The following MTMR7 variants were observed in gnomAD, a reference collection of about 807,000 sequenced individuals.
MTMR7 encodes the protein phosphatidylinositol-3-phosphate phosphatase MTMR7.
In MTMR7, 76 loss-of-function variants were observed where a neutral mutation model predicts 81.2. That is an observed-to-expected ratio of 0.94 (90% CI 0.78 to 1.13). The LOEUF (loss-of-function observed/expected upper bound fraction) is 1.13. Ranked by LOEUF, MTMR7 falls within the 50% of genes most tolerant of loss-of-function variation. The pLI is 0.00. For missense variants in MTMR7, 1,044 were observed against 820.0 expected (o/e 1.27, Z -3.34); for synonymous variants, 372 against 289.8 (o/e 1.28, Z -2.88).
intron 4 of MTMR7, among the ~76,000 whole-genome samples, chr8:17,359,289 C>T (rs193220338): frequency 6.6e-6 from 1 of 151,968 alleles, no homozygotes; most frequent in South Asian, 2.1e-4. Flanking sequence ...TGTTTAAGTA[C>T]CATATAGCAA....
intron 1 of MTMR7, among the ~76,000 whole-genome samples, chr8:17,380,939 C>A (rs924768645): frequency 6.6e-6 from 1 of 152,062 alleles, no homozygotes; most frequent in Non-Finnish European, 1.5e-5. Context: ...AAAAGCTTGG[C>A]AATGGATACA....
intron 1 of MTMR7, among the ~76,000 whole-genome samples, chr8:17,380,373 G>T (rs910120634): frequency 1.3e-5 from 2 of 152,082 alleles, no homozygotes; most frequent in Admixed American, 6.5e-5. Context: ...TGAATTATAG[G>T]TTCTTGCATA....
intron 4 of MTMR7, among the ~76,000 whole-genome samples, chr8:17,353,833 C>A (rs374859917): frequency 6.6e-6 from 1 of 152,178 alleles, no homozygotes; most frequent in African/African-American, 2.4e-5. Context: ...GCCCACATCC[C>A]TTGGTGCTGT....
At position 17,412,872 on chromosome 8, in the gene MTMR7, T is replaced by A. The variant is rs148664989; in HGVS notation, c.24+397A>T. Among the ~76,000 whole-genome samples the A allele has an allele frequency of 2.7e-3, 407 of 152,274 alleles. 2 individuals are homozygous for A. The highest frequency in any genetic ancestry group is 9.5e-3 in the African/African-American group (394 of 41,560). On this transcript the variant is annotated intron_variant, in intron 1 of 13. Transcript: ENST00000180173. ...CCCTCTGCATTTAGCTCGTTTTCCT[T>A]GCACCTGTCACCGAAAGGCTTATTT... is the stretch of plus-strand genomic sequence containing the variant.
chr8:17,356,547 A>AC (rs1563355279), intron 4 of MTMR7, among the ~76,000 whole-genome samples: 7 of 151,476 alleles, frequency 4.6e-5, no homozygotes, highest in African/African-American at 1.7e-4. Context: ...ACTACTACTA[A>AC]TAATAATAAT....
At chr8:17,309,374 T>C in intron 9 of MTMR7, 48 bp from the exon 10 acceptor site, 1 of 1,251,594 alleles carries the variant, frequency 8.0e-7, no homozygotes, top group East Asian at 2.3e-5. Context: ...AAACGAAAAA[T>C]AAGAGACCAC....
In MTMR7 at chr8:17,373,053, G is replaced by A. The variant is rs544377618; in HGVS notation, c.147+65C>T. ...ATCTCACCCTGAGGAAAAATGAATG[G>A]AGGGCAAACACTTTTTGCTTCAAAC... On this transcript the variant is annotated intron_variant, in intron 2 of 13. Transcript: ENST00000180173. 83 of 1,581,590 alleles carry A rather than the reference G, an allele frequency of 5.2e-5. No homozygotes were observed. In the African/African-American group the frequency reaches 1.1e-3, roughly 20 times the overall value.
At chr8:17,313,459 G>A in intron 7 of MTMR7, 58 bp from the exon 8 acceptor site, 1 of 1,133,136 alleles carries the variant, frequency 8.8e-7, no homozygotes, top group Non-Finnish European at 1.3e-6. Flanking sequence ...TTTTACATAT[G>A]ATCATGTTTT....
chr8:17,345,620 A>G (rs1439401406), intron 5 of MTMR7, among the ~76,000 whole-genome samples: 1 of 152,260 alleles, frequency 6.6e-6, no homozygotes, highest in Non-Finnish European at 1.5e-5. Flanking sequence ...GAATGTGATT[A>G]CATCCATTAA....
chr8:17,408,207 G>A lies in MTMR7; in HGVS notation c.24+5062C>T, dbSNP rs1821644816. On this transcript the variant is annotated intron_variant, in intron 1 of 13. Coordinates refer to ENST00000180173, the MANE Select transcript of MTMR7 (RefSeq NM_004686.5). ...AGATCGAGACCATCCCGGCTAAAAC[G>A]GTGAAACCCCGTCTCTACTAAAAAT... 1.7e-5 allele frequency among the ~76,000 whole-genome samples: 2 copies of A among 117,648 alleles called. 1 individual carries two copies. Among genetic ancestry groups the A allele is most frequent in the Non-Finnish European group, 4.0e-5 (2 of 49,606 alleles). 77.2% of individuals were successfully genotyped at this position (117,648 alleles called of 152,430 possible). A position where few individuals can be genotyped will look rare whatever the true frequency, so the allele number is the denominator to read the frequency against.
At chr8:17,355,138 G>A (rs902797929) in intron 4 of MTMR7, among the ~76,000 whole-genome samples, 2 of 152,126 alleles carry the variant, frequency 1.3e-5, no homozygotes, top group Admixed American at 6.5e-5. Flanking sequence ...CCAAGGAGAC[G>A]TTATTCCACA....
intron 1 of MTMR7, among the ~76,000 whole-genome samples, chr8:17,380,814 T>C (rs1283774476): frequency 1.3e-5 from 2 of 152,198 alleles, no homozygotes; most frequent in Non-Finnish European, 1.5e-5. Flanking sequence ...TTGTAAGAAA[T>C]CTTATACATG....
rs28439962 is a variant in MTMR7 at position 17,340,308 on chromosome 8, C to G, written c.732+1055G>C. 4.7e-3 allele frequency among the ~76,000 whole-genome samples: 713 copies of G among 152,360 alleles called. 6 individuals carry two copies. The highest frequency in any genetic ancestry group is 0.017 in the African/African-American group (694 of 41,588). ...TCTCTATCCCACTCTTGTTGCCTAA[C>G]AGGACATCCTGGACTCCTCTGCTTA... On this transcript the variant is annotated intron_variant, in intron 6 of 13. Coordinates refer to ENST00000180173, the MANE Select transcript of MTMR7 (RefSeq NM_004686.5).
intron 1 of MTMR7, among the ~76,000 whole-genome samples, chr8:17,379,083 T>G (rs2188016): frequency 0.19 from 28,425 of 152,002 alleles, 2,924 homozygotes; most frequent in African/African-American, 0.27. Flanking sequence ...ATCAAGAGGA[T>G]AGCAGAGATA....
At chr8:17,327,884 T>A (rs1349576589) in intron 7 of MTMR7, among the ~76,000 whole-genome samples, 1 of 152,238 alleles carries the variant, frequency 6.6e-6, no homozygotes, top group Non-Finnish European at 1.5e-5. Flanking sequence ...TTTTAAAAAA[T>A]TATGCTTTTT....
chr8:17,342,726 G>C (rs1345224783), intron 5 of MTMR7, among the ~76,000 whole-genome samples: 23 of 152,118 alleles, frequency 1.5e-4, no homozygotes, highest in Admixed American at 1.5e-3. Context: ...ATCACTGAGG[G>C]GGTTAAAGGA....
Position 17,413,302 on chromosome 8 carries a change from A to C in MTMR7, c.-10T>G, listed in dbSNP as rs541247538. 9.8e-4 allele frequency: 1,512 copies of C among 1,541,860 alleles called. 3 individuals carry two copies. The highest frequency in any genetic ancestry group is 8.4e-4 in the Non-Finnish European group (956 of 1,142,250). ...TACGGATGTGCTCCATGGCTGGCCC[A>C]CGTCTGCAGGGTCCCGGGCGGGCGC... On this transcript the variant is annotated 5_prime_UTR_variant, in exon 1 of 14. Coordinates refer to ENST00000180173, the MANE Select transcript of MTMR7 (RefSeq NM_004686.5).
chr8:17,401,458 T>C (rs1821427253), intron 1 of MTMR7, among the ~76,000 whole-genome samples: 1 of 151,936 alleles, frequency 6.6e-6, no homozygotes, highest in African/African-American at 2.4e-5. Context: ...AAGGGGCAGA[T>C]AAGGTATAGA....
chr8:17,309,187 CA>C (rs1344102653), intron 10 of MTMR7, 89 bp downstream of exon 10: 32 of 890,736 alleles, frequency 3.6e-5, no homozygotes, highest in Non-Finnish European at 5.0e-5. Flanking sequence ...ACTCAAAAAA[CA>C]AGACGATTTT....
Sources: gnomAD v4.1 joint callset for allele counts (sites outside exome capture counted in the v4.1 genomes callset) on GRCh38, gnomAD v4.1.1 for gene constraint, MANE v1.5 for transcripts, NCBI Gene and HGNC (gene_info 2026-07-23, HGNC 2026-07-21) for gene names.